Variants in ABHD4 observed in about 807,000 individuals in gnomAD.
ABHD4 encodes (Lyso)-N-acylphosphatidylethanolamine lipase.
ABHD4 carries 35 observed loss-of-function variants against 42.3 expected under a neutral mutation model. That is an observed-to-expected ratio of 0.83 (90% CI 0.63 to 1.10). ABHD4 has a LOEUF of 1.10. Ranked by LOEUF, ABHD4 falls within the 50% of genes least tolerant of loss-of-function variation. The probability of loss-of-function intolerance (pLI) is 0.00; values close to 1 mark genes in which losing one functional copy is unlikely to be tolerated. For synonymous variants in ABHD4, 169 were observed against 170.6 expected, an observed-to-expected ratio of 0.99 and a Z score of 0.07; for missense variants, 389 against 454.8, an observed-to-expected ratio of 0.86 and a Z score of 1.32.
chr14:22,601,962 C>T (rs2037290617), intron 2 of ABHD4, among the ~76,000 whole-genome samples: 1 of 152,180 alleles, frequency 6.6e-6, no homozygotes, highest in Admixed American at 6.5e-5. Context: ...TCTCCCTAGC[C>T]ATGTGGATAG....
In ABHD4 at chr14:22,603,927, T is replaced by G. The variant is rs1423992459; in HGVS notation, c.488T>G (p.Val163Gly). 2 of 1,613,998 alleles carry G rather than the reference T, an allele frequency of 1.2e-6. No individual in the cohort carries two copies. Among genetic ancestry groups the G allele is most frequent in the African/African-American group, 2.7e-5 (2 of 74,922 alleles). Reference sequence around the variant, plus strand: ...TCCTCTTTCCGCCTTTAACATAGAGTTAAACACCTCATCCTGGTGGACCCA... The same window carrying G: ...TCCTCTTTCCGCCTTTAACATAGAGGTAAACACCTCATCCTGGTGGACCCA... ...TSYSIKYPDR[V>G]KHLILVDPWG... Residue 163 changes from valine (V) to glycine (G), a missense_variant and splice_region_variant, in exon 4 of 7, where the codon GTT (valine) becomes GGT (glycine). Physicochemically the swap from Val to Gly is moderately radical, Grantham distance 109 (BLOSUM62 -3). This residue lies in a region of ABHD4 where 249 missense variants were observed against 254.4 expected (regional missense o/e 0.98). Transcript: ENST00000428304.
In ABHD4 at chr14:22,609,772, G is replaced by C. The variant is rs764019730; in HGVS notation, c.801G>C (p.Arg267=). The change falls in exon 6 of 7, where the codon CGG becomes CGC. Residue 267 remains arginine (R), a synonymous_variant. Coordinates refer to ENST00000428304, the MANE Select transcript of ABHD4 (RefSeq NM_022060.3). ...KAMMESFGWA[R]RPMLERIHLI... ...TGATGGAGTCCTTTGGCTGGGCCCG[G>C]CGCCCTATGCTGGAGCGAATTCACT... 1.9e-6 allele frequency: 3 copies of C among 1,614,040 alleles called. No individual in the cohort carries two copies. In the East Asian group the frequency reaches 6.7e-5, roughly 36 times the overall value.
At chr14:22,605,839 A>G in intron 4 of ABHD4, 3 of 1,288,810 alleles carry the variant, frequency 2.3e-6, no homozygotes, top group Non-Finnish European at 3.0e-6. Flanking sequence ...TGACCAGTAG[A>G]CCTCATTTTT....
chr14:22,609,847 G>A lies in ABHD4; in HGVS notation c.876G>A (p.Trp292Ter), dbSNP rs370216615. ...PITMIYGSDTWIDTSTGKKVK... is the reference protein window; with the variant it reads ...PITMIYGSDT ...CTATGATCTACGGGTCCGACACCTG[G>A]ATAGATACCAGTACGGGAAAAAAGG... Residue 292 changes from tryptophan to a stop codon, truncating the protein, a stop_gained, in exon 6 of 7, where the codon TGG becomes TGA. Coordinates refer to ENST00000428304, the MANE Select transcript of ABHD4 (RefSeq NM_022060.3). LOFTEE classifies it high-confidence loss of function. 4 of 1,613,978 alleles carry A rather than the reference G, an allele frequency of 2.5e-6. No homozygotes were observed. The highest frequency in any genetic ancestry group is 3.4e-6 in the Non-Finnish European group (4 of 1,180,034).
intron 2 of ABHD4, 109 bp downstream of exon 2, chr14:22,601,864 G>A (rs987230902): frequency 1.1e-6 from 1 of 935,072 alleles, no homozygotes; most frequent in Admixed American, 2.1e-5. Flanking sequence ...TTAACAGTGT[G>A]TATGGGGTGG....
At position 22,603,771 on chromosome 14, in the gene ABHD4, G is replaced by A. The variant is rs1235608417; in HGVS notation, c.485+9G>A. The stretch of plus-strand genomic sequence containing the variant: ...ATCAAGTACCCTGATAGGTAATAAG[G>A]AGATGGCTCCATCCCTCGTGACCTA... On this transcript the variant is annotated intron_variant, in intron 3 of 6. Coordinates refer to ENST00000428304, the MANE Select transcript of ABHD4 (RefSeq NM_022060.3). 6.4e-7 allele frequency: 1 copy of A among 1,567,312 alleles called. No individual in the cohort carries two copies. Among genetic ancestry groups the A allele is most frequent in the Admixed American group, 1.8e-5 (1 of 56,106 alleles).
intron 5 of ABHD4, among the ~76,000 whole-genome samples, chr14:22,607,394 G>A (rs1156687712): frequency 1.3e-5 from 2 of 152,088 alleles, no homozygotes; most frequent in African/African-American, 4.8e-5. Context: ...CTCAGCAAAG[G>A]CAAGCTTACT....
In ABHD4 at chr14:22,604,308, T is replaced by A. The variant is rs549993144; in HGVS notation, c.640+229T>A. ...CTCTGTCACCCAGGCTGGAGTGCAG[T>A]GGTGCGATCTCGGCTCACTGCAAGC... On this transcript the variant is annotated intron_variant, in intron 4 of 6. Coordinates refer to ENST00000428304, the MANE Select transcript of ABHD4 (RefSeq NM_022060.3). 1.5e-4 allele frequency: 70 copies of A among 453,878 alleles called. No individual in the cohort carries two copies. In the East Asian group the frequency reaches 2.1e-3, roughly 13 times the overall value. The allele number at this position is 453,878 out of a possible 1,614,324, so 28.1% of individuals were successfully genotyped here. A position where few individuals can be genotyped will look rare whatever the true frequency, so the allele number is the denominator to read the frequency against.
Position 22,601,649 on chromosome 14 carries a change from T to C in ABHD4, c.24-18T>C. On this transcript the variant is annotated intron_variant, in intron 1 of 6. Transcript: ENST00000428304. ...CTTTCCAATGTTGCCAATGAGTGTCTCTGTCTCCTCCTCCCAGGTCTCAAG... is the reference window on the plus strand; with the variant it reads ...CTTTCCAATGTTGCCAATGAGTGTCCCTGTCTCCTCCTCCCAGGTCTCAAG... 1 of 1,611,358 alleles carries C rather than the reference T, an allele frequency of 6.2e-7. No individual in the cohort carries two copies. Among genetic ancestry groups the C allele is most frequent in the Non-Finnish European group, 8.5e-7 (1 of 1,177,508 alleles).
rs1461554003 is a variant in ABHD4 at position 22,611,799 on chromosome 14, T to C, written c.*851T>C. 1.3e-5 allele frequency: 2 copies of C among 153,326 alleles called. No individual in the cohort carries two copies. Among genetic ancestry groups the C allele is most frequent in the Non-Finnish European group, 2.9e-5 (2 of 68,624 alleles). The allele number at this position is 153,326 out of a possible 1,614,324, so 9.5% of individuals were successfully genotyped here. Reference sequence around the variant, plus strand: ...GCTGCCTAAGCTAGGGACACTCAAGTGCTTCCTTCCTTGCCCCATCTTCCT... The same window carrying C: ...GCTGCCTAAGCTAGGGACACTCAAGCGCTTCCTTCCTTGCCCCATCTTCCT... On this transcript the variant is annotated 3_prime_UTR_variant, in exon 7 of 7. Coordinates refer to ENST00000428304, the MANE Select transcript of ABHD4 (RefSeq NM_022060.3).
intron 4 of ABHD4, among the ~76,000 whole-genome samples, chr14:22,605,428 A>C (rs2037338062): frequency 6.6e-6 from 1 of 152,230 alleles, no homozygotes; most frequent in East Asian, 1.9e-4. Context: ...CAAGAAAAAC[A>C]GAATGATTCC....
chr14:22,602,302 G>A (rs931966759), intron 2 of ABHD4, among the ~76,000 whole-genome samples: 6 of 152,080 alleles, frequency 3.9e-5, no homozygotes, highest in African/African-American at 1.2e-4. Context: ...GCAGCCACTC[G>A]CTCAAACAAG....
Position 22,610,861 on chromosome 14 carries a change from G to C in ABHD4, c.942G>C (p.Glu314Asp). ...QRPDSYVRDM[E>D]IKGASHHVYA... Reference sequence around the variant, plus strand: ...CCCTGCGGGTTCTCTCTCCACAGGAGATTAAGGGTGCCTCCCACCATGTCT... The same window carrying C: ...CCCTGCGGGTTCTCTCTCCACAGGACATTAAGGGTGCCTCCCACCATGTCT... The change falls in exon 7 of 7, where the codon GAG becomes GAC. Residue 314 changes from glutamate to aspartate, a missense_variant and splice_region_variant. Coordinates refer to ENST00000428304, the MANE Select transcript of ABHD4 (RefSeq NM_022060.3). 1 of 1,613,908 alleles carries C rather than the reference G, an allele frequency of 6.2e-7. No homozygotes were observed. The highest frequency in any genetic ancestry group is 8.5e-7 in the Non-Finnish European group (1 of 1,179,876).
chr14:22,609,614 G>A (rs1242930), intron 5 of ABHD4, 110 bp from the exon 6 acceptor site: 416,256 of 1,203,932 alleles, frequency 0.35, 74,098 homozygotes, highest in South Asian at 0.38. Flanking sequence ...AGCCCAGTGT[G>A]GGGCTTTGAC....
rs768310360 is a variant in ABHD4 at position 22,603,761 on chromosome 14, A to G, written c.484A>G (p.Arg162Gly). 2 of 1,567,528 alleles carry G rather than the reference A, an allele frequency of 1.3e-6. No homozygotes were observed. Among genetic ancestry groups the G allele is most frequent in the Non-Finnish European group, 1.7e-6 (2 of 1,154,140 alleles). ...ATSYSIKYPD[R>G]VKHLILVDPW... Reference sequence around the variant, plus strand: ...TTCTTACTCAATCAAGTACCCTGATAGGTAATAAGGAGATGGCTCCATCCC... The same window carrying G: ...TTCTTACTCAATCAAGTACCCTGATGGGTAATAAGGAGATGGCTCCATCCC... The change falls in exon 3 of 7, where the codon AGA becomes GGA. Residue 162 changes from arginine (R) to glycine (G), a missense_variant and splice_region_variant. By Grantham distance (125) the Arg-to-Gly change is moderately radical. Coordinates refer to ENST00000428304, the MANE Select transcript of ABHD4 (RefSeq NM_022060.3).
chr14:22,606,588 T>A (rs548171808), intron 5 of ABHD4, 55 bp downstream of exon 5: 11 of 1,236,718 alleles, frequency 8.9e-6, no homozygotes, highest in Non-Finnish European at 1.3e-5. Context: ...GAGATAAAAC[T>A]CTTAGCTGCT....
chr14:22,607,367 G>A (rs1164351001), intron 5 of ABHD4, among the ~76,000 whole-genome samples: 1 of 152,118 alleles, frequency 6.6e-6, no homozygotes, highest in African/African-American at 2.4e-5. Flanking sequence ...GTGACACCCC[G>A]AGCTGCTGGG....
intron 5 of ABHD4, among the ~76,000 whole-genome samples, chr14:22,607,046 A>T (rs1196501322): frequency 6.6e-6 from 1 of 152,194 alleles, no homozygotes; most frequent in African/African-American, 2.4e-5. Context: ...CTTTGTACAC[A>T]CATGTGACTG....
intron 4 of ABHD4, among the ~76,000 whole-genome samples, chr14:22,605,487 TGA>T (rs2037338801): frequency 1.3e-5 from 2 of 152,304 alleles, no homozygotes; most frequent in Admixed American, 1.3e-4. Context: ...TTAGGAGTTC[TGA>T]GAGAGAGGAA....
Sources: gnomAD v4.1 joint callset for allele counts (sites outside exome capture counted in the v4.1 genomes callset) on GRCh38, gnomAD v4.1.1 for gene constraint, gnomAD v4.1.1 regional missense constraint, MANE v1.5 for transcripts, NCBI Gene and HGNC (gene_info 2026-07-23, HGNC 2026-07-21) for gene names.